MYH9: variants seen among roughly 807,000 people sequenced by gnomAD.
MYH9 encodes the protein myosin heavy chain 9.
MYH9 carries 29 observed loss-of-function variants against 241.9 expected under a neutral mutation model. The observed-to-expected ratio is 0.12, with a 90% CI of 0.09 to 0.16. The LOEUF (loss-of-function observed/expected upper bound fraction) is 0.16, where lower values mean the gene tolerates loss of function less well. Ranked by LOEUF, MYH9 falls within the 10% of genes least tolerant of loss-of-function variation. The probability of loss-of-function intolerance (pLI) is 1.00; values close to 1 mark genes in which losing one functional copy is unlikely to be tolerated. For synonymous variants in MYH9, 1,047 were observed against 1,062.6 expected (o/e 0.99, Z 0.29); for missense variants, 1,803 against 2,595.5 (o/e 0.69, Z 6.63).
In MYH9 at chr22:36,289,302, G is replaced by GA. The variant is rs2016646444; in HGVS notation, c.4345-6dup. 6.2e-7 allele frequency: 1 copy of GA among 1,605,028 alleles called. No individual in the cohort carries two copies. Among genetic ancestry groups the GA allele is most frequent in the South Asian group, 1.1e-5 (1 of 89,998 alleles). On this transcript the variant is annotated splice_region_variant and splice_polypyrimidine_tract_variant and intron_variant, in intron 31 of 40. Transcript: ENST00000216181. ...GGTCTTCTCCTCCGCCAGGAGCTGG[G>GA]AAAGAGGTGGGCACCATGAGGCTCA...
chr22:36,381,471 C>T (rs189309905), intron 1 of MYH9, among the ~76,000 whole-genome samples: 1 of 149,558 alleles, frequency 6.7e-6, no homozygotes, highest in Non-Finnish European at 1.5e-5. Context: ...GAGCCGAGAT[C>T]GATCATGCCA....
rs763025425 is a variant in MYH9 at position 36,348,884 on chromosome 22, G to T, written c.333+20C>A. 5.2e-5 allele frequency: 84 copies of T among 1,608,360 alleles called. No homozygotes were observed. The highest frequency in any genetic ancestry group is 6.9e-5 in the Non-Finnish European group (81 of 1,176,904). The stretch of plus-strand genomic sequence containing the variant: ...GGAGCCCTCAGACCCAGCCTGCGGG[G>T]TGCCACGGCAGCCACTTACGTAGAT... On this transcript the variant is annotated intron_variant, in intron 2 of 40. Coordinates refer to ENST00000216181, the MANE Select transcript of MYH9 (RefSeq NM_002473.6).
chr22:36,351,399 G>A (rs2017763180), intron 1 of MYH9, among the ~76,000 whole-genome samples: 1 of 152,156 alleles, frequency 6.6e-6, no homozygotes, highest in Non-Finnish European at 1.5e-5. Flanking sequence ...AACAAGACAG[G>A]AACGGTGGCT....
At chr22:36,323,175 AC>A (rs59234698) in intron 5 of MYH9, among the ~76,000 whole-genome samples, 10,517 of 151,718 alleles carry the variant, frequency 0.069, 1,252 homozygotes, top group African/African-American at 0.24. Flanking sequence ...GACAAAATGC[AC>A]CCTTGTGCCT....
At chr22:36,359,813 G>A (rs539420050) in intron 1 of MYH9, among the ~76,000 whole-genome samples, 1 of 152,280 alleles carries the variant, frequency 6.6e-6, no homozygotes, top group Admixed American at 6.5e-5. Flanking sequence ...TCAACCTTTG[G>A]TATCAACTCA....
chr22:36,325,279 A>T (rs2017317815), intron 5 of MYH9, among the ~76,000 whole-genome samples: 1 of 152,214 alleles, frequency 6.6e-6, no homozygotes, highest in Admixed American at 6.5e-5. Context: ...GAAGCTTGGC[A>T]CATGAAAAGT....
At chr22:36,318,566 C>T (rs898977305) in intron 10 of MYH9, among the ~76,000 whole-genome samples, 1 of 152,146 alleles carries the variant, frequency 6.6e-6, no homozygotes, top group Non-Finnish European at 1.5e-5. Flanking sequence ...GTGGGCAGGG[C>T]AGCTGTACCT....
At chr22:36,356,094 G>A (rs890411259) in intron 1 of MYH9, among the ~76,000 whole-genome samples, 2 of 152,112 alleles carry the variant, frequency 1.3e-5, no homozygotes, top group Non-Finnish European at 2.9e-5. Flanking sequence ...ACACCCCAGC[G>A]GCCTCAGCCC....
chr22:36,349,312 T>C, intron 1 of MYH9, 57 bp from the exon 2 acceptor site: 1 of 1,240,018 alleles, frequency 8.1e-7, no homozygotes. Flanking sequence ...CCACACAAGA[T>C]CACTCATGCT....
In MYH9 at chr22:36,300,725, A is replaced by C; in HGVS notation, c.2838+126T>G. ...GGAACACCTCTCACTGAGAGCCCCA[A>C]GCAGATTGCGTGAGGAGCAGCCTCC... On this transcript the variant is annotated intron_variant, in intron 22 of 40. Transcript: ENST00000216181. The surrounding 1 kb of genome is among the most constrained non-coding windows in gnomAD (Gnocchi z 5.0). 9.4e-7 allele frequency: 1 copy of C among 1,060,646 alleles called. No individual in the cohort carries two copies. Among genetic ancestry groups the C allele is most frequent in the Non-Finnish European group, 1.4e-6 (1 of 711,014 alleles). The allele number at this position is 1,060,646 out of a possible 1,614,324, so 65.7% of individuals were successfully genotyped here. A position where few individuals can be genotyped will look rare whatever the true frequency, so the allele number is the denominator to read the frequency against.
At position 36,329,521 on chromosome 22, in the gene MYH9, G is replaced by C. The variant is rs369536644; in HGVS notation, c.491-2033C>G. The stretch of plus-strand genomic sequence containing the variant: ...CTCCCTGTGGTCTGCCCCAGCTGTG[G>C]GCATGTTTAGTCACCGGCTCTACTA... On this transcript the variant is annotated intron_variant, in intron 3 of 40. Transcript: ENST00000216181. This position sits in a 1 kb window ranked among gnomAD's most constrained non-coding sequence, Gnocchi z 4.1. 7.2e-5 allele frequency among the ~76,000 whole-genome samples: 11 copies of C among 152,304 alleles called. No homozygotes were observed. The East Asian group carries it at 1.5e-3, about 21-fold the overall frequency.
chr22:36,290,683 A>G (rs1204153254), intron 31 of MYH9, among the ~76,000 whole-genome samples: 1 of 139,416 alleles, frequency 7.2e-6, no homozygotes, highest in African/African-American at 2.8e-5. Context: ...CCCGGCCGCC[A>G]TCCCATCTAG....
At chr22:36,345,239 G>A (rs1360470396) in intron 2 of MYH9, among the ~76,000 whole-genome samples, 3 of 151,734 alleles carry the variant, frequency 2.0e-5, no homozygotes, top group African/African-American at 7.3e-5. Context: ...GTGAACCCGG[G>A]AGGCAGAGGT....
rs1397476696 is a variant in MYH9 at position 36,306,214 on chromosome 22, G to T, written c.2038-163C>A. Among the ~76,000 whole-genome samples the T allele has an allele frequency of 6.6e-6, 1 of 152,170 alleles. No individual in the cohort carries two copies. The highest frequency in any genetic ancestry group is 1.5e-5 in the Non-Finnish European group (1 of 68,020). The stretch of plus-strand genomic sequence containing the variant: ...AGTCAAAGGATCCAGGTCTGGGAGG[G>T]GCCAATGCCACCAAGAGGAAGTGCA... On this transcript the variant is annotated intron_variant, in intron 16 of 40. Transcript: ENST00000216181. This position sits in a 1 kb window ranked among gnomAD's most constrained non-coding sequence, Gnocchi z 4.1.
At chr22:36,382,310 A>G (rs2018271193) in intron 1 of MYH9, among the ~76,000 whole-genome samples, 1 of 150,966 alleles carries the variant, frequency 6.6e-6, no homozygotes, top group African/African-American at 2.4e-5. Flanking sequence ...CCCCATTTCT[A>G]TTAAAAATGC....
intron 3 of MYH9, among the ~76,000 whole-genome samples, chr22:36,339,927 G>A (rs996669462): frequency 6.6e-6 from 1 of 152,112 alleles, no homozygotes; most frequent in African/African-American, 2.4e-5. Flanking sequence ...CACTACCAGG[G>A]CTCTGATGCA....
intron 3 of MYH9, among the ~76,000 whole-genome samples, chr22:36,340,365 T>C (rs1053041478): frequency 6.6e-6 from 1 of 151,754 alleles, no homozygotes. Context: ...GGGGGCTCTA[T>C]TAAGAGTAAA....
chr22:36,357,203 T>C (rs767008008), intron 1 of MYH9, among the ~76,000 whole-genome samples: 1 of 152,150 alleles, frequency 6.6e-6, no homozygotes, highest in Non-Finnish European at 1.5e-5. Context: ...GGACACTTCC[T>C]TGGACACTCA....
rs766982816 is a variant in MYH9, at chr22:36,300,969, G to A, written c.2720C>T (p.Thr907Ile). Reference protein sequence around the residue: ...AEAEELRARLTAKKQELEEIC... With the variant: ...AEAEELRARLIAKKQELEEIC... ...CTCTTCTAATTCCTGCTTCTTGGCG[G>A]TCAGGCGGGCCCGGAGCTCCTCAGC... is the stretch of plus-strand genomic sequence containing the variant. The change falls in exon 22 of 41, where the codon ACC becomes ATC. Residue 907 changes from threonine to isoleucine, a missense_variant. By Grantham distance (89) the Thr-to-Ile change is moderately conservative. Around this residue, in one of 11 missense-constraint regions of MYH9, gnomAD observed 290 missense variants for 360.5 expected, o/e 0.80. Transcript: ENST00000216181. This position sits in a 1 kb window ranked among gnomAD's most constrained non-coding sequence, Gnocchi z 5.0. The A allele has an allele frequency of 6.2e-7, 1 of 1,611,774 alleles. No individual in the cohort carries two copies. Among genetic ancestry groups the A allele is most frequent in the Admixed American group, 1.7e-5 (1 of 60,028 alleles).
Sources: gnomAD v4.1 joint callset for allele counts (sites outside exome capture counted in the v4.1 genomes callset) on GRCh38, gnomAD v4.1.1 for gene constraint, gnomAD v4.1.1 regional missense constraint, Gnocchi (gnomAD v3.1) non-coding constraint, MANE v1.5 for transcripts, NCBI Gene and HGNC (gene_info 2026-07-23, HGNC 2026-07-21) for gene names.